PDE5A: variants seen among roughly 807,000 people sequenced by gnomAD.
PDE5A encodes phosphodiesterase 5A.
A neutral mutation model predicts 110.2 loss-of-function variants in PDE5A; 67 were observed. The observed-to-expected ratio is 0.61, with a 90% CI of 0.50 to 0.75. PDE5A has a LOEUF of 0.75. PDE5A is among the 30% of genes least tolerant of loss of function. The pLI is 0.00. For missense variants in PDE5A, 862 were observed against 1,045.1 expected, an observed-to-expected ratio of 0.82 and a Z score of 2.42; for synonymous variants, 328 against 351.2, an observed-to-expected ratio of 0.93 and a Z score of 0.74.
chr4:119,503,625 C>G (rs914539474), intron 18 of PDE5A, among the ~76,000 whole-genome samples: 7 of 152,070 alleles, frequency 4.6e-5, no homozygotes, highest in Non-Finnish European at 1.0e-4. Flanking sequence ...AGTTATATTC[C>G]AAATCCAAAA....
At chr4:119,508,056 A>G (rs1283687981) in intron 15 of PDE5A, among the ~76,000 whole-genome samples, 1 of 152,014 alleles carries the variant, frequency 6.6e-6, no homozygotes, top group Admixed American at 6.6e-5. Flanking sequence ...AGCCATATTA[A>G]TGGATATGAA....
At chr4:119,528,368 G>A (rs1197760733) in intron 11 of PDE5A, among the ~76,000 whole-genome samples, 1 of 152,150 alleles carries the variant, frequency 6.6e-6, no homozygotes, top group Non-Finnish European at 1.5e-5. Flanking sequence ...TAAAGCAGTA[G>A]TGAGAGTTAT....
At chr4:119,537,196 A>C (rs1254756181) in intron 11 of PDE5A, among the ~76,000 whole-genome samples, 1 of 152,038 alleles carries the variant, frequency 6.6e-6, no homozygotes, top group Non-Finnish European at 1.5e-5. Flanking sequence ...CACATTCAAA[A>C]CCTAACCAAA....
Position 119,498,559 on chromosome 4 carries a change from A to C in PDE5A, c.*42T>G. On this transcript the variant is annotated 3_prime_UTR_variant, in exon 21 of 21. Coordinates refer to ENST00000354960, the MANE Select transcript of PDE5A (RefSeq NM_001083.4). ...TAAGAAACTAGGCATATTGCAGAAC[A>C]CACCATCTCTGTAAACTTCAACTCT... 1.2e-6 allele frequency: 2 copies of C among 1,611,330 alleles called. No individual in the cohort carries two copies. The highest frequency in any genetic ancestry group is 1.7e-6 in the Non-Finnish European group (2 of 1,177,864).
At chr4:119,551,113 A>C (rs1727338855) in intron 9 of PDE5A, among the ~76,000 whole-genome samples, 1 of 152,204 alleles carries the variant, frequency 6.6e-6, no homozygotes, top group Non-Finnish European at 1.5e-5. Flanking sequence ...TAGCTTAGGC[A>C]CTAGATTAGC....
chr4:119,584,181 C>T (rs1233761992), intron 3 of PDE5A, among the ~76,000 whole-genome samples: 1 of 152,140 alleles, frequency 6.6e-6, no homozygotes, highest in African/African-American at 2.4e-5. Flanking sequence ...TGGAAATATT[C>T]TTCTAATTGT....
intron 1 of PDE5A, among the ~76,000 whole-genome samples, chr4:119,623,133 C>A (rs1327629516): frequency 1.3e-5 from 2 of 151,958 alleles, no homozygotes; most frequent in Non-Finnish European, 2.9e-5. Flanking sequence ...GAAAGACTTT[C>A]TTCAATTTTT....
Position 119,502,325 on chromosome 4 carries a change from C to A in PDE5A, c.2406+256G>T, listed in dbSNP as rs3733520. The A allele has an allele frequency of 1.5e-3, 431 of 290,236 alleles. 2 individuals are homozygous for A. Among genetic ancestry groups the A allele is most frequent in the Non-Finnish European group, 2.3e-3 (358 of 155,864 alleles). The allele number at this position is 290,236 out of a possible 1,614,324, so 18.0% of individuals were successfully genotyped here. A position where few individuals can be genotyped will look rare whatever the true frequency, so the allele number is the denominator to read the frequency against. ...TATTTGTTAAAATGAAAAGTGGTTT[C>A]TAATACTTAAGCGGAAAAAAACAAA... On this transcript the variant is annotated intron_variant, in intron 19 of 20. Transcript: ENST00000354960.
intron 15 of PDE5A, 76 bp from the exon 16 acceptor site, chr4:119,507,780 C>T (rs1228411636): frequency 1.2e-5 from 11 of 882,420 alleles, no homozygotes; most frequent in South Asian, 4.4e-5. Flanking sequence ...AATATATTCA[C>T]ATATCTTAAA....
In PDE5A at chr4:119,517,414, AG is replaced by A. The variant is rs766256785; in HGVS notation, c.2000+1630del. On this transcript the variant is annotated intron_variant, in intron 14 of 20. Coordinates refer to ENST00000354960, the MANE Select transcript of PDE5A (RefSeq NM_001083.4). ...TTTACCAACAAGGAAAGAAAAAAAA[AG>A]AAAAATCCCTGGAAAATTCTTGGTT... 4.3e-3 allele frequency among the ~76,000 whole-genome samples: 643 copies of A among 150,908 alleles called. 7 individuals are homozygous for A. The highest frequency in any genetic ancestry group is 0.015 in the African/African-American group (604 of 41,194).
chr4:119,627,219 C>T lies in PDE5A; in HGVS notation c.152+1301G>A, dbSNP rs767671495. ...GTTTTCGAACTCCGCCGATCCTGGA[C>T]TCCAGGAGGCTCCGTAGGGGCAACA... On this transcript the variant is annotated intron_variant, in intron 1 of 20. Coordinates refer to ENST00000354960, the MANE Select transcript of PDE5A (RefSeq NM_001083.4). This position sits in a 1 kb window ranked among gnomAD's most constrained non-coding sequence, Gnocchi z 4.6. 2.5e-6 allele frequency: 4 copies of T among 1,610,922 alleles called. No homozygotes were observed. The highest frequency in any genetic ancestry group is 3.4e-6 in the Non-Finnish European group (4 of 1,178,310).
At chr4:119,586,119 G>A (rs1728755913) in intron 3 of PDE5A, among the ~76,000 whole-genome samples, 1 of 152,154 alleles carries the variant, frequency 6.6e-6, no homozygotes, top group Non-Finnish European at 1.5e-5. Context: ...AGTGTAATTT[G>A]TTATGTTGCA....
At chr4:119,577,121 C>G (rs572062698) in intron 3 of PDE5A, among the ~76,000 whole-genome samples, 150 of 152,258 alleles carry the variant, frequency 9.9e-4, no homozygotes, top group African/African-American at 3.4e-3. Context: ...CATACCCCCT[C>G]CCAAGACTAA....
chr4:119,503,785 C>T (rs1413569384), intron 18 of PDE5A, among the ~76,000 whole-genome samples: 2 of 152,032 alleles, frequency 1.3e-5, no homozygotes, highest in East Asian at 1.9e-4. Flanking sequence ...AATGTAGATG[C>T]TCTCTTTCTT....
Position 119,627,936 on chromosome 4 carries a change from A to T in PDE5A, c.152+584T>A, listed in dbSNP as rs555917435. 1.1e-3 allele frequency: 611 copies of T among 531,728 alleles called. 1 individual carries two copies. The highest frequency in any genetic ancestry group is 1.3e-3 in the Non-Finnish European group (559 of 414,748). 32.9% of individuals were successfully genotyped at this position (531,728 alleles called of 1,614,324 possible). ...ACAGCCTTCGGCGGAAAAGCGAGTG[A>T]AAGGAGGCGCGCGGGACAAGCAGGA... On this transcript the variant is annotated intron_variant, in intron 1 of 20. Transcript: ENST00000354960. This position sits in a 1 kb window ranked among gnomAD's most constrained non-coding sequence, Gnocchi z 4.6.
rs951934349 is a variant in PDE5A, at chr4:119,623,305, T to A, written c.152+5215A>T. 2.0e-5 allele frequency among the ~76,000 whole-genome samples: 3 copies of A among 152,230 alleles called. No homozygotes were observed. In the South Asian group the frequency reaches 6.2e-4, roughly 31 times the overall value. ...CTGCAAAGTCAGTAACTAGTCTGCA[T>A]CCTAAATTCACAAATTAGTCATTTT... On this transcript the variant is annotated intron_variant, in intron 1 of 20. Coordinates refer to ENST00000354960, the MANE Select transcript of PDE5A (RefSeq NM_001083.4).
chr4:119,598,739 G>A (rs1403090940), intron 2 of PDE5A, among the ~76,000 whole-genome samples: 2 of 152,160 alleles, frequency 1.3e-5, no homozygotes, highest in Non-Finnish European at 2.9e-5. Context: ...CTTTAGAGAA[G>A]GCAGGTGCTA....
chr4:119,557,887 AT>A (rs1727599751), intron 7 of PDE5A, among the ~76,000 whole-genome samples: 1 of 152,162 alleles, frequency 6.6e-6, no homozygotes, highest in South Asian at 2.1e-4. Flanking sequence ...TTACACTTAT[AT>A]TTTCTAATAT....
intron 11 of PDE5A, chr4:119,526,926 GAAGAAAGA>G (rs1726342612): frequency 6.6e-6 from 1 of 152,016 alleles, no homozygotes; most frequent in African/African-American, 2.4e-5. Context: ...CGAAATAGGG[GAAGAAAGA>G]AGGATTTAAA....
Sources: gnomAD v4.1 joint callset for allele counts (sites outside exome capture counted in the v4.1 genomes callset) on GRCh38, gnomAD v4.1.1 for gene constraint, Gnocchi (gnomAD v3.1) non-coding constraint, MANE v1.5 for transcripts, NCBI Gene and HGNC (gene_info 2026-07-23, HGNC 2026-07-21) for gene names.